The following C2orf66 variants were observed in gnomAD, a reference collection of about 807,000 sequenced individuals.
C2orf66 encodes chromosome 2 open reading frame 66.
Under a neutral mutation model 7.0 loss-of-function variants are expected in C2orf66, and 6 were observed. The observed-to-expected ratio is 0.86, with a 90% confidence interval of 0.47 to 1.69. C2orf66 has a LOEUF of 1.69. C2orf66 is among the 40% of genes most tolerant of loss of function. The probability of loss-of-function intolerance (pLI) is 0.01; values close to 1 mark genes in which losing one functional copy is unlikely to be tolerated. For synonymous variants in C2orf66, 38 were observed against 43.8 expected, an observed-to-expected ratio of 0.87 and a Z score of 0.52; for missense variants, 107 against 112.0, an observed-to-expected ratio of 0.96 and a Z score of 0.20.
At chr2:196,812,115 T>C (rs546687236), upstream of C2orf66, among the ~76,000 whole-genome samples, 154 of 152,272 alleles carry the variant, frequency 1.0e-3, no homozygotes, top group African/African-American at 3.4e-3. Context: ...CAAGGAAAAG[T>C]GTTGTAGTTG....
chr2:196,809,703 T>C (rs1234952509), upstream of C2orf66: 1 of 192,224 alleles, frequency 5.2e-6, no homozygotes, highest in Non-Finnish European at 1.1e-5. Flanking sequence ...AACAAAACCT[T>C]AAATTACTTT....
the C2orf66 span, among the ~76,000 whole-genome samples, chr2:196,829,442 AAC>A: frequency 2.6e-5 from 4 of 152,094 alleles, no homozygotes. Flanking sequence ...TACAAAAAAT[AAC>A]CGGGCATGGT....
At chr2:196,810,537 C>T (rs1405114072), upstream of C2orf66, among the ~76,000 whole-genome samples, 1 of 152,182 alleles carries the variant, frequency 6.6e-6, no homozygotes, top group East Asian at 1.9e-4. Context: ...CTACAACATT[C>T]CCTTGCTGAA....
the C2orf66 span, among the ~76,000 whole-genome samples, chr2:196,816,726 T>C: frequency 2.0e-5 from 3 of 152,326 alleles, no homozygotes; most frequent in East Asian, 3.9e-4. Context: ...TAGAGGGGTA[T>C]ATTAAAAAGG....
the C2orf66 span, among the ~76,000 whole-genome samples, chr2:196,818,308 G>A: frequency 1.3e-5 from 2 of 152,166 alleles, no homozygotes; most frequent in Non-Finnish European, 2.9e-5. Context: ...GGAGGCCCCA[G>A]GCCAAGCAAG....
the C2orf66 span, among the ~76,000 whole-genome samples, chr2:196,829,575 C>T: frequency 1.1e-4 from 17 of 151,364 alleles, no homozygotes; most frequent in Non-Finnish European, 2.2e-4. Context: ...GGCGAAAGAG[C>T]CAGACTCTGT....
At chr2:196,822,031 C>T in the C2orf66 span, among the ~76,000 whole-genome samples, 1 of 142,556 alleles carries the variant, frequency 7.0e-6, no homozygotes, top group Non-Finnish European at 1.5e-5. Flanking sequence ...TCTCCTGCCT[C>T]AGCTTCCCGA....
chr2:196,814,477 C>A, the C2orf66 span, among the ~76,000 whole-genome samples: 1 of 151,884 alleles, frequency 6.6e-6, no homozygotes, highest in Non-Finnish European at 1.5e-5. Flanking sequence ...ATGTAGATGA[C>A]GAGTTGATGA....
At chr2:196,811,258 A>C (rs1288279729), upstream of C2orf66, among the ~76,000 whole-genome samples, 1 of 152,220 alleles carries the variant, frequency 6.6e-6, no homozygotes, top group Admixed American at 6.5e-5. Flanking sequence ...CTAACTGATT[A>C]AAGGGTTTTA....
At chr2:196,809,914 G>A (rs1699858951), upstream of C2orf66, 1 of 152,244 alleles carries the variant, frequency 6.6e-6, no homozygotes, top group South Asian at 2.1e-4. Flanking sequence ...AGCTTACCAG[G>A]AGTTTGGTTT....
At chr2:196,812,124 T>G (rs566584960), upstream of C2orf66, among the ~76,000 whole-genome samples, 1 of 152,298 alleles carries the variant, frequency 6.6e-6, no homozygotes, top group East Asian at 1.9e-4. Flanking sequence ...GTGTTGTAGT[T>G]GTTAAAATAT....
chr2:196,804,916 T>G lies in C2orf66; in HGVS notation c.*512A>C, dbSNP rs1353462216. 1 of 152,190 alleles carries G rather than the reference T, an allele frequency of 6.6e-6. No homozygotes were observed. Among genetic ancestry groups the G allele is most frequent in the Non-Finnish European group, 1.5e-5 (1 of 68,022 alleles). The allele number at this position is 152,190 out of a possible 1,614,324, so 9.4% of individuals were successfully genotyped here. Reference sequence around the variant, plus strand: ...CCCTCATTTCTTATGAAACTAAAACTGTGAAGTATTTTGGTAGTGTATGCT... The same window carrying G: ...CCCTCATTTCTTATGAAACTAAAACGGTGAAGTATTTTGGTAGTGTATGCT... On this transcript the variant is annotated 3_prime_UTR_variant, in exon 3 of 3. Coordinates refer to ENST00000342506, the MANE Select transcript of C2orf66 (RefSeq NM_213608.3).
chr2:196,831,791 G>A, the C2orf66 span, among the ~76,000 whole-genome samples: 1 of 152,112 alleles, frequency 6.6e-6, no homozygotes, highest in Admixed American at 6.5e-5. Flanking sequence ...AATCTTCCCA[G>A]ACATCGCCTG....
chr2:196,831,242 G>C, the C2orf66 span, among the ~76,000 whole-genome samples: 1 of 152,094 alleles, frequency 6.6e-6, no homozygotes. Context: ...CTCTGTGTCT[G>C]AGTTTTTCCC....
the C2orf66 span, among the ~76,000 whole-genome samples, chr2:196,824,599 C>T: frequency 6.6e-6 from 1 of 152,150 alleles, no homozygotes; most frequent in South Asian, 2.1e-4. Flanking sequence ...TAAGGTCCAG[C>T]AACAAGATGA....
chr2:196,828,993 T>C, the C2orf66 span, among the ~76,000 whole-genome samples: 1 of 152,134 alleles, frequency 6.6e-6, no homozygotes, highest in Non-Finnish European at 1.5e-5. Flanking sequence ...AGCAAATAAA[T>C]GGGTGTTGTT....
the C2orf66 span, among the ~76,000 whole-genome samples, chr2:196,815,421 A>C: frequency 6.6e-6 from 1 of 152,206 alleles, no homozygotes; most frequent in Admixed American, 6.5e-5. Context: ...AGAGAAAAAA[A>C]CCCACAATAT....
chr2:196,808,577 G>A (rs1270687284), intron 1 of C2orf66, among the ~76,000 whole-genome samples: 1 of 152,076 alleles, frequency 6.6e-6, no homozygotes, highest in East Asian at 1.9e-4. Context: ...AAATCCTGCT[G>A]GTCTCTTATC....
chr2:196,823,010 C>A, the C2orf66 span, among the ~76,000 whole-genome samples: 2 of 136,680 alleles, frequency 1.5e-5, no homozygotes, highest in African/African-American at 3.0e-5. Context: ...TTTAAATAAA[C>A]TTCTTGTTAA....
Sources: allele counts gnomAD v4.1 joint callset (sites outside exome capture counted in the v4.1 genomes callset), GRCh38; gene constraint gnomAD v4.1.1; transcripts MANE v1.5; gene names NCBI Gene and HGNC (gene_info 2026-07-23, HGNC 2026-07-21).